NPRL3: variants seen among roughly 807,000 people sequenced by gnomAD.
The protein encoded by NPRL3 is NPR3 like, GATOR1 complex subunit.
A neutral mutation model predicts 57.2 loss-of-function variants in NPRL3; 23 were observed. That is an observed-to-expected ratio of 0.40 (90% CI 0.29 to 0.57). NPRL3 has a LOEUF of 0.57. Ranked by LOEUF, NPRL3 falls within the 20% of genes least tolerant of loss-of-function variation. NPRL3 has a pLI of 0.42. For missense variants in NPRL3, 691 were observed against 767.1 expected, an observed-to-expected ratio of 0.90 and a Z score of 1.17; for synonymous variants, 333 against 321.1, an observed-to-expected ratio of 1.04 and a Z score of -0.39.
At chr16:110,096 C>A (rs963232793) in intron 7 of NPRL3, among the ~76,000 whole-genome samples, 1 of 152,124 alleles carries the variant, frequency 6.6e-6, no homozygotes, top group African/African-American at 2.4e-5. Flanking sequence ...ATGCAGAAAC[C>A]CCGTCTCTAC....
In NPRL3 at chr16:85,653, C is replaced by A; in HGVS notation, c.*1052G>T. 1 of 1,588,820 alleles carries A rather than the reference C, an allele frequency of 6.3e-7. No individual in the cohort carries two copies. ...GAGCCCAGTGAGCCGGCTGTAGTGGCAGCAGCCCGGGTGGGCGTCGGCCAT... is the reference window on the plus strand; with the variant it reads ...GAGCCCAGTGAGCCGGCTGTAGTGGAAGCAGCCCGGGTGGGCGTCGGCCAT... On this transcript the variant is annotated 3_prime_UTR_variant, in exon 14 of 14. Coordinates refer to ENST00000611875, the MANE Select transcript of NPRL3 (RefSeq NM_001077350.3).
intron 7 of NPRL3, among the ~76,000 whole-genome samples, chr16:103,541 T>C (rs1349669277): frequency 6.6e-6 from 1 of 152,050 alleles, no homozygotes; most frequent in East Asian, 1.9e-4. Context: ...CAAATGTAGC[T>C]GTCTTTGCTC....
At chr16:99,959 C>CAAAAAAAAAAA (rs11304941) in intron 8 of NPRL3, among the ~76,000 whole-genome samples, 13 of 60,994 alleles carry the variant, frequency 2.1e-4, no homozygotes, top group East Asian at 6.2e-4. Context: ...CACACCCCCG[C>CAAAAAAAAAAA]AAAAAAAAAA....
chr16:124,312 C>T (rs993098272), intron 3 of NPRL3, among the ~76,000 whole-genome samples: 4 of 151,956 alleles, frequency 2.6e-5, no homozygotes, highest in African/African-American at 7.3e-5. Flanking sequence ...ATGTATTAGC[C>T]GGATGCCTGT....
intron 2 of NPRL3, among the ~76,000 whole-genome samples, chr16:132,008 CTTTTT>C (rs61664945): frequency 1.9e-4 from 27 of 144,926 alleles, no homozygotes; most frequent in Admixed American, 1.4e-4. Context: ...TTCTTTCTTT[CTTTTT>C]TTTTTTTTTT....
intron 7 of NPRL3, among the ~76,000 whole-genome samples, chr16:103,192 A>G (rs1899373101): frequency 6.7e-6 from 1 of 148,928 alleles, no homozygotes; most frequent in Non-Finnish European, 1.5e-5. Flanking sequence ...CTCAGGCTGG[A>G]GTGCAGTGGC....
chr16:118,272 T>C (rs557731660), intron 4 of NPRL3, among the ~76,000 whole-genome samples: 1 of 152,338 alleles, frequency 6.6e-6, no homozygotes, highest in East Asian at 1.9e-4. Context: ...ATCCTGCCTG[T>C]ATGCAGAGAG....
In NPRL3 at chr16:100,524, C is replaced by T. The variant is rs760288230; in HGVS notation, c.630-15G>A. 1.4e-5 allele frequency: 22 copies of T among 1,532,818 alleles called. No individual in the cohort carries two copies. Among genetic ancestry groups the T allele is most frequent in the East Asian group, 1.4e-4 (6 of 42,652 alleles). 95.0% of individuals were successfully genotyped at this position (1,532,818 alleles called of 1,614,324 possible). A position where few individuals can be genotyped will look rare whatever the true frequency, so the allele number is the denominator to read the frequency against. The stretch of plus-strand genomic sequence containing the variant: ...ACGTGCACAGGCTGCAGAGAGTGGG[C>T]GCTGTTACCCGTTCACATAAACTTT... On this transcript the variant is annotated splice_polypyrimidine_tract_variant and intron_variant, in intron 7 of 13. Coordinates refer to ENST00000611875, the MANE Select transcript of NPRL3 (RefSeq NM_001077350.3).
At chr16:94,155 G>A (rs1427798095) in intron 9 of NPRL3, among the ~76,000 whole-genome samples, 1 of 151,868 alleles carries the variant, frequency 6.6e-6, no homozygotes, top group African/African-American at 2.4e-5. Context: ...TGCCCCATGT[G>A]CCCCGACTCC....
intron 2 of NPRL3, among the ~76,000 whole-genome samples, chr16:131,597 CAAAAAAA>C (rs59373757): frequency 1.4e-5 from 1 of 69,718 alleles, no homozygotes; most frequent in Non-Finnish European, 2.8e-5. Flanking sequence ...GACTCAGTCT[CAAAAAAA>C]AAAAAAAAAA....
At chr16:88,996 C>G (rs1367421466) in intron 12 of NPRL3, 106 bp from the exon 13 acceptor site, 20 of 1,018,258 alleles carry the variant, frequency 2.0e-5, no homozygotes, top group Non-Finnish European at 2.7e-5. Context: ...CTAACTCCTA[C>G]AAGGGTTAGG....
chr16:108,783 G>C (rs1461255920), intron 7 of NPRL3, among the ~76,000 whole-genome samples: 1 of 151,802 alleles, frequency 6.6e-6, no homozygotes, highest in Non-Finnish European at 1.5e-5. Flanking sequence ...TGATTCTTCT[G>C]CCTCAGCCTC....
chr16:85,919 G>A lies in NPRL3; in HGVS notation c.*786C>T. The A allele has an allele frequency of 9.8e-7, 1 of 1,022,074 alleles. No homozygotes were observed. Among genetic ancestry groups the A allele is most frequent in the East Asian group, 3.0e-5 (1 of 33,176 alleles). The allele number at this position is 1,022,074 out of a possible 1,614,324, so 63.3% of individuals were successfully genotyped here. ...CTAGCTCTTCCTCCAGGACACGAGA[G>A]CTGGGGGCCTGAGTACGTAGCGCCA... On this transcript the variant is annotated 3_prime_UTR_variant, in exon 14 of 14. Coordinates refer to ENST00000611875, the MANE Select transcript of NPRL3 (RefSeq NM_001077350.3).
At chr16:130,398 A>T in intron 3 of NPRL3, 124 bp downstream of exon 3, 1 of 955,964 alleles carries the variant, frequency 1.0e-6, no homozygotes, top group Non-Finnish European at 1.6e-6. Context: ...AGCACCCACT[A>T]AACGGAAAAA....
intron 8 of NPRL3, among the ~76,000 whole-genome samples, chr16:98,554 A>C (rs1899130435): frequency 6.6e-6 from 1 of 152,116 alleles, no homozygotes; most frequent in African/African-American, 2.4e-5. Context: ...CACCTGGGAC[A>C]CAAACAGGCA....
intron 5 of NPRL3, among the ~76,000 whole-genome samples, chr16:113,092 CAAT>C (rs201724500): frequency 3.2e-4 from 47 of 146,096 alleles, no homozygotes; most frequent in South Asian, 6.5e-4. Context: ...GGAAGAACAA[CAAT>C]GGTGCCTCCC....
chr16:92,541 G>C, intron 11 of NPRL3, 55 bp downstream of exon 11: 1 of 1,585,756 alleles, frequency 6.3e-7, no homozygotes, highest in Non-Finnish European at 8.6e-7. Context: ...CAGGCAGGTA[G>C]TGCCTATCCA....
At chr16:124,715 T>C (rs1240433805) in intron 3 of NPRL3, among the ~76,000 whole-genome samples, 1 of 152,226 alleles carries the variant, frequency 6.6e-6, no homozygotes, top group Non-Finnish European at 1.5e-5. Flanking sequence ...GGTGGATCCA[T>C]ATATATTTGT....
chr16:95,496 T>C (rs1043928559), intron 9 of NPRL3, among the ~76,000 whole-genome samples: 10 of 152,016 alleles, frequency 6.6e-5, no homozygotes, highest in Admixed American at 2.6e-4. Flanking sequence ...TGAAGTCTTG[T>C]AACATACTAA....
Sources: allele counts gnomAD v4.1 joint callset (sites outside exome capture counted in the v4.1 genomes callset), GRCh38; gene constraint gnomAD v4.1.1; transcripts MANE v1.5; gene names NCBI Gene and HGNC (gene_info 2026-07-23, HGNC 2026-07-21).